Variants in SGCD observed in about 807,000 individuals in gnomAD.
SGCD encodes the protein sarcoglycan delta, also known as delta-sarcoglycan.
Under a neutral mutation model 36.6 loss-of-function variants are expected in SGCD, and 18 were observed. The observed-to-expected ratio is 0.49, with a 90% confidence interval of 0.34 to 0.73. SGCD has a LOEUF of 0.73. Ranked by LOEUF, SGCD falls within the 30% of genes least tolerant of loss-of-function variation. SGCD has a pLI of 0.01. For missense variants in SGCD, 387 were observed against 346.7 expected, an observed-to-expected ratio of 1.12 and a Z score of -0.92; for synonymous variants, 133 against 130.6, an observed-to-expected ratio of 1.02 and a Z score of -0.12.
At position 156,393,664 on chromosome 5, in the gene SGCD, G is replaced by A. The variant is rs1771701976; in HGVS notation, c.192+48987G>A. 1.1e-5 allele frequency: 5 copies of A among 449,438 alleles called. No individual in the cohort carries two copies. In the Middle Eastern group the frequency reaches 9.8e-4, roughly 88 times the overall value. The allele number at this position is 449,438 out of a possible 1,614,324, so 27.8% of individuals were successfully genotyped here. ...GTATTTACACCACAGAAATTGGCAA[G>A]CACTACAAATTAAGATCATCCATCT... On this transcript the variant is annotated intron_variant, in intron 3 of 8. Coordinates refer to ENST00000337851, the MANE Select transcript of SGCD (RefSeq NM_000337.6).
intron 7 of SGCD, among the ~76,000 whole-genome samples, chr5:156,747,237 TC>T (rs1462319557): frequency 6.7e-6 from 1 of 150,150 alleles, no homozygotes; most frequent in Non-Finnish European, 1.5e-5. Context: ...TGCAAAACTA[TC>T]CTGGAAAACA....
chr5:156,418,208 G>A lies in SGCD; in HGVS notation c.192+73531G>A, dbSNP rs180993490. 7.6e-4 allele frequency among the ~76,000 whole-genome samples: 116 copies of A among 152,300 alleles called. 1 individual carries two copies. Among genetic ancestry groups the A allele is most frequent in the Non-Finnish European group, 1.1e-3 (76 of 68,022 alleles). On this transcript the variant is annotated intron_variant, in intron 3 of 8. Coordinates refer to ENST00000337851, the MANE Select transcript of SGCD (RefSeq NM_000337.6). ...TACAGTGCCCAAACTGGTCATGGAT[G>A]TGATTGTGCTTTCAAATGGAAGAGT...
At chr5:155,927,549 G>A (rs192069454) in intron 1 of SGCD, among the ~76,000 whole-genome samples, 44 of 152,250 alleles carry the variant, frequency 2.9e-4, no homozygotes, top group African/African-American at 1.0e-3. Context: ...CGAAAAATGG[G>A]GGCAGTTCTA....
intron 3 of SGCD, among the ~76,000 whole-genome samples, chr5:156,132,873 T>C (rs906615656): frequency 1.3e-5 from 2 of 152,176 alleles, no homozygotes; most frequent in African/African-American, 4.8e-5. Flanking sequence ...ATAATAAATA[T>C]CTTAGTGTCA....
At position 156,647,539 on chromosome 5, in the gene SGCD, A is replaced by G; in HGVS notation, c.575+3A>G. On this transcript the variant is annotated splice_donor_region_variant and intron_variant, in intron 7 of 8. Coordinates refer to ENST00000337851, the MANE Select transcript of SGCD (RefSeq NM_000337.6). ...GCAGACCCCTTCAAAGAACTAAGGT[A>G]AACTTCTGACTTTGGTTTGCATTGA... 1 of 1,565,128 alleles carries G rather than the reference A, an allele frequency of 6.4e-7. No individual in the cohort carries two copies. The highest frequency in any genetic ancestry group is 8.7e-7 in the Non-Finnish European group (1 of 1,151,026).
At chr5:156,492,317 G>A (rs192848879) in intron 3 of SGCD, among the ~76,000 whole-genome samples, 9 of 152,140 alleles carry the variant, frequency 5.9e-5, no homozygotes, top group African/African-American at 2.2e-4. Flanking sequence ...TTTATCATAA[G>A]GAATTGGCTC....
intron 3 of SGCD, among the ~76,000 whole-genome samples, chr5:156,246,437 T>C (rs984035127): frequency 2.0e-5 from 3 of 152,122 alleles, no homozygotes; most frequent in South Asian, 4.1e-4. Context: ...AGAATAAGGT[T>C]ATAGATTTTT....
the SGCD span, among the ~76,000 whole-genome samples, chr5:155,729,631 G>C: frequency 3.3e-5 from 5 of 152,132 alleles, no homozygotes; most frequent in Non-Finnish European, 7.4e-5. Context: ...GGCCTGCGCG[G>C]GCATCCTGTG....
At chr5:156,134,619 T>C (rs1762409651) in intron 3 of SGCD, among the ~76,000 whole-genome samples, 1 of 150,406 alleles carries the variant, frequency 6.6e-6, no homozygotes, top group Admixed American at 6.7e-5. Flanking sequence ...CACCACAGGT[T>C]CTCACTCATA....
At chr5:156,492,713 T>C (rs1324527602) in intron 3 of SGCD, among the ~76,000 whole-genome samples, 6 of 152,100 alleles carry the variant, frequency 3.9e-5, no homozygotes, top group African/African-American at 1.4e-4. Flanking sequence ...ATATCTATCC[T>C]AGCCCCCACC....
chr5:155,816,898 C>T, the SGCD span, among the ~76,000 whole-genome samples: 7 of 152,104 alleles, frequency 4.6e-5, no homozygotes, highest in South Asian at 2.1e-4. Flanking sequence ...GGACATTATA[C>T]GTTAAAAAGT....
intron 4 of SGCD, among the ~76,000 whole-genome samples, chr5:156,553,620 C>A (rs1287648295): frequency 1.3e-5 from 2 of 152,164 alleles, no homozygotes; most frequent in Non-Finnish European, 2.9e-5. Context: ...AGTCTCCATC[C>A]TCCCCTTCTT....
At chr5:155,950,591 A>T (rs1039208653) in intron 1 of SGCD, among the ~76,000 whole-genome samples, 5 of 152,178 alleles carry the variant, frequency 3.3e-5, no homozygotes, top group African/African-American at 1.2e-4. Context: ...TTCAGATATG[A>T]TTAAGAAGGA....
Position 156,458,417 on chromosome 5 carries a change from G to A in SGCD, c.193-50184G>A, listed in dbSNP as rs144000626. 8.0e-4 allele frequency: 1,288 copies of A among 1,603,726 alleles called. 9 individuals carry two copies. The African/African-American group carries it at 0.015, about 19-fold the overall frequency. On this transcript the variant is annotated intron_variant, in intron 3 of 8. Transcript: ENST00000337851. ...ACTTACTGTTGATGTGATCGATGTA[G>A]TAGACACCAATCTGAGGGTCAAACC...
chr5:156,482,872 T>G (rs1000852592), intron 3 of SGCD, among the ~76,000 whole-genome samples: 9 of 148,852 alleles, frequency 6.0e-5, no homozygotes, highest in Non-Finnish European at 1.2e-4. Context: ...TTGAATTGTT[T>G]AGGGTGGGGT....
At chr5:156,640,429 T>G (rs1255782843) in intron 6 of SGCD, among the ~76,000 whole-genome samples, 2 of 152,194 alleles carry the variant, frequency 1.3e-5, no homozygotes, top group Non-Finnish European at 2.9e-5. Flanking sequence ...ATTTACAATA[T>G]CTGTTATTTT....
At chr5:156,024,692 G>A (rs935630607) in intron 1 of SGCD, among the ~76,000 whole-genome samples, 11 of 152,104 alleles carry the variant, frequency 7.2e-5, no homozygotes, top group Admixed American at 5.9e-4. Context: ...TAAAGAGGCT[G>A]GACACAGTGG....
intron 3 of SGCD, among the ~76,000 whole-genome samples, chr5:156,365,332 G>C (rs1770037054): frequency 6.6e-6 from 1 of 152,158 alleles, no homozygotes; most frequent in African/African-American, 2.4e-5. Context: ...CCAGACTCTG[G>C]GAGGCGTCTT....
At chr5:156,445,321 A>G (rs1231369052) in intron 3 of SGCD, among the ~76,000 whole-genome samples, 1 of 152,152 alleles carries the variant, frequency 6.6e-6, no homozygotes, top group Non-Finnish European at 1.5e-5. Flanking sequence ...AGAATTATTG[A>G]TCTTCAAATC....
Sources: allele counts gnomAD v4.1 joint callset (sites outside exome capture counted in the v4.1 genomes callset), GRCh38; gene constraint gnomAD v4.1.1; transcripts MANE v1.5; gene names NCBI Gene and HGNC (gene_info 2026-07-23, HGNC 2026-07-21).